Variants in AGTPBP1 observed in about 807,000 individuals in gnomAD.
The protein encoded by AGTPBP1 is cytosolic carboxypeptidase 1.
In AGTPBP1, 70 loss-of-function variants were observed where a neutral mutation model predicts 143.9. That is an observed-to-expected ratio of 0.49 (90% CI 0.40 to 0.59). The LOEUF (loss-of-function observed/expected upper bound fraction) is 0.59, where lower values mean the gene tolerates loss of function less well. AGTPBP1 is among the 20% of genes least tolerant of loss of function. The probability of loss-of-function intolerance (pLI) is 0.00; values close to 1 mark genes in which losing one functional copy is unlikely to be tolerated. For synonymous variants in AGTPBP1, 463 were observed against 500.2 expected (o/e 0.93, Z 0.99); for missense variants, 1,229 against 1,464.5 (o/e 0.84, Z 2.62).
chr9:85,734,545 C>A (rs1456375737), intron 1 of AGTPBP1, among the ~76,000 whole-genome samples: 1 of 152,114 alleles, frequency 6.6e-6, no homozygotes, highest in Non-Finnish European at 1.5e-5. Context: ...CAAATCAAAA[C>A]TACAAGATAT....
At chr9:85,679,337 C>A (rs1587884885) in intron 4 of AGTPBP1, among the ~76,000 whole-genome samples, 1 of 152,078 alleles carries the variant, frequency 6.6e-6, no homozygotes, top group Non-Finnish European at 1.5e-5. Flanking sequence ...TTCCTGAGAA[C>A]TGAGCATAGC....
chr9:85,778,710 T>C, the AGTPBP1 span, among the ~76,000 whole-genome samples: 1 of 152,188 alleles, frequency 6.6e-6, no homozygotes, highest in Non-Finnish European at 1.5e-5. Context: ...ATGCAGCAAC[T>C]TATCCTTCAC....
chr9:85,669,014 TAC>T (rs139321417), intron 8 of AGTPBP1, among the ~76,000 whole-genome samples: 11,454 of 120,450 alleles, frequency 0.095, 755 homozygotes, highest in African/African-American at 0.17. Context: ...TGTGTATACA[TAC>T]ACACACACAC....
At position 85,664,624 on chromosome 9, in the gene AGTPBP1, A is replaced by T. The variant is rs550093790; in HGVS notation, c.663-3651T>A. 3.9e-5 allele frequency among the ~76,000 whole-genome samples: 6 copies of T among 152,226 alleles called. No individual in the cohort carries two copies. In the South Asian group the frequency reaches 1.2e-3, roughly 32 times the overall value. ...AACGTATTTTTAAAAACAGAAGTCA[A>T]TCTAATATAACAGAAACTAAGTAAA... On this transcript the variant is annotated intron_variant, in intron 8 of 25. Coordinates refer to ENST00000357081, the MANE Select transcript of AGTPBP1 (RefSeq NM_001330701.2).
the AGTPBP1 span, among the ~76,000 whole-genome samples, chr9:85,800,807 T>TTGTGTGTGTGTG: frequency 5.5e-5 from 8 of 144,684 alleles, no homozygotes; most frequent in South Asian, 4.6e-4. Flanking sequence ...TTTAGAATGG[T>TTGTGTGTGTGTG]TGTGTGTGTG....
At chr9:85,731,060 G>C (rs1476873924) in intron 1 of AGTPBP1, among the ~76,000 whole-genome samples, 2 of 152,174 alleles carry the variant, frequency 1.3e-5, no homozygotes, top group Non-Finnish European at 2.9e-5. Context: ...CATGGAGTAG[G>C]AGAGGAATCG....
intron 2 of AGTPBP1, among the ~76,000 whole-genome samples, chr9:85,705,760 G>A (rs1253412299): frequency 2.0e-5 from 3 of 152,008 alleles, no homozygotes; most frequent in East Asian, 3.9e-4. Context: ...GCATGATCTC[G>A]GCTCACTGCA....
At position 85,625,010 on chromosome 9, in the gene AGTPBP1, C is replaced by T. The variant is rs1459646190; in HGVS notation, c.2016-3725G>A. ...GCACATTATTCATAAAAAGGTTACACCATAATTTAACTAGTCCTTGACAAA... is the reference window on the plus strand; with the variant it reads ...GCACATTATTCATAAAAAGGTTACATCATAATTTAACTAGTCCTTGACAAA... On this transcript the variant is annotated intron_variant, in intron 14 of 25. Transcript: ENST00000357081. 3.9e-5 allele frequency among the ~76,000 whole-genome samples: 6 copies of T among 152,130 alleles called. No homozygotes were observed. In the South Asian group the frequency reaches 1.0e-3, roughly 26 times the overall value.
At chr9:85,672,403 G>T in intron 7 of AGTPBP1, 147 bp downstream of exon 7, 2 of 912,422 alleles carry the variant, frequency 2.2e-6, no homozygotes, top group Non-Finnish European at 3.2e-6. Flanking sequence ...TTTTGTTGTG[G>T]TTGGAGTCAA....
chr9:85,678,235 GC>G (rs1834956098), intron 5 of AGTPBP1, 99 bp downstream of exon 5: 3 of 698,014 alleles, frequency 4.3e-6, no homozygotes, highest in Non-Finnish European at 7.0e-6. Flanking sequence ...ACTCAGAATA[GC>G]CTCTATAAGA....
intron 1 of AGTPBP1, among the ~76,000 whole-genome samples, chr9:85,723,597 G>A (rs1838274809): frequency 6.6e-6 from 1 of 152,206 alleles, no homozygotes; most frequent in South Asian, 2.1e-4. Context: ...AGTACAGACT[G>A]TCATGGATTC....
chr9:85,599,110 AACACACACACACACACAC>A (rs57074552), intron 17 of AGTPBP1, among the ~76,000 whole-genome samples: 11 of 135,430 alleles, frequency 8.1e-5, no homozygotes, highest in Admixed American at 1.5e-4. Flanking sequence ...CTTGTCACTG[AACACACACACACACACAC>A]ACACACACAC....
At chr9:85,734,726 AC>A (rs1255243407) in intron 1 of AGTPBP1, among the ~76,000 whole-genome samples, 1 of 152,254 alleles carries the variant, frequency 6.6e-6, no homozygotes, top group East Asian at 1.9e-4. Flanking sequence ...AAATAGAATT[AC>A]CATACAATCT....
intron 10 of AGTPBP1, among the ~76,000 whole-genome samples, chr9:85,657,044 A>G (rs1273511510): frequency 2.0e-5 from 3 of 146,832 alleles, no homozygotes; most frequent in Non-Finnish European, 3.0e-5. Context: ...GTGGGGGGAG[A>G]GGGGAGGGAT....
intron 1 of AGTPBP1, among the ~76,000 whole-genome samples, chr9:85,730,663 C>T (rs535496534): frequency 1.8e-4 from 28 of 152,314 alleles, no homozygotes; most frequent in Non-Finnish European, 1.5e-4. Flanking sequence ...ATAGCTTGAA[C>T]TTGCCCTTTG....
chr9:85,683,937 C>A (rs1835341295), intron 3 of AGTPBP1, among the ~76,000 whole-genome samples: 2 of 152,002 alleles, frequency 1.3e-5, no homozygotes, highest in African/African-American at 2.4e-5. Flanking sequence ...GCACCCCCAC[C>A]CCCACCAATT....
chr9:85,695,995 T>C (rs983347972), intron 2 of AGTPBP1, among the ~76,000 whole-genome samples: 1 of 152,130 alleles, frequency 6.6e-6, no homozygotes, highest in East Asian at 1.9e-4. Context: ...GCATGAGCCA[T>C]TACACCCAGC....
chr9:85,708,845 TACTTTAAGA>T (rs1488089093), intron 2 of AGTPBP1, among the ~76,000 whole-genome samples: 1 of 151,934 alleles, frequency 6.6e-6, no homozygotes, highest in Non-Finnish European at 1.5e-5. Flanking sequence ...CAAGAATTTA[TACTTTAAGA>T]ACTTGCCACA....
chr9:85,650,003 A>C (rs918552292), intron 11 of AGTPBP1, among the ~76,000 whole-genome samples: 1 of 148,532 alleles, frequency 6.7e-6, no homozygotes, highest in African/African-American at 2.5e-5. Context: ...TAATCTTACC[A>C]GATTGTGTTT....
Sources: allele counts gnomAD v4.1 joint callset (sites outside exome capture counted in the v4.1 genomes callset), GRCh38; gene constraint gnomAD v4.1.1; transcripts MANE v1.5; gene names NCBI Gene and HGNC (gene_info 2026-07-23, HGNC 2026-07-21).